Variants in GSK3B observed in about 807,000 individuals in gnomAD.
GSK3B encodes the protein glycogen synthase kinase 3 beta.
In GSK3B, 15 loss-of-function variants were observed where a neutral mutation model predicts 56.4. The ratio of observed to expected loss-of-function variants is 0.27; its 90% confidence interval spans 0.18 to 0.41. The LOEUF (loss-of-function observed/expected upper bound fraction) is 0.41, where lower values mean the gene tolerates loss of function less well. GSK3B is among the 10% of genes least tolerant of loss of function. GSK3B has a pLI of 1.00. For missense variants in GSK3B, 300 were observed against 513.4 expected (o/e 0.58, Z 4.02); for synonymous variants, 181 against 188.9 (o/e 0.96, Z 0.34).
intron 2 of GSK3B, among the ~76,000 whole-genome samples, chr3:119,986,496 A>C (rs937856848): frequency 3.3e-5 from 5 of 151,970 alleles, no homozygotes; most frequent in African/African-American, 7.2e-5. Context: ...AAAAAAAAAA[A>C]CAACCCCCAT....
chr3:119,879,580 A>G (rs910979544), intron 7 of GSK3B, among the ~76,000 whole-genome samples: 2 of 152,116 alleles, frequency 1.3e-5, no homozygotes, highest in Non-Finnish European at 2.9e-5. Context: ...GTGCTATGAA[A>G]TACTAGATAT....
intron 7 of GSK3B, among the ~76,000 whole-genome samples, chr3:119,894,234 G>A (rs992404601): frequency 2.6e-5 from 4 of 151,720 alleles, no homozygotes; most frequent in Non-Finnish European, 2.9e-5. Flanking sequence ...TAAACTTTGC[G>A]TACATGTTTT....
In GSK3B at chr3:120,094,346, C is replaced by T. The variant is rs912430913; in HGVS notation, c.-912G>A. ...GCCCTGTCAGCGGCTGCGGGGCCGG[C>T]TCCTCCTCGCTTCCTTCCTTCCTTT... is the stretch of plus-strand genomic sequence containing the variant. On this transcript the variant is annotated 5_prime_UTR_variant, in exon 1 of 11. Coordinates refer to ENST00000264235, the MANE Select transcript of GSK3B (RefSeq NM_001146156.2). The T allele has an allele frequency of 4.2e-5, 12 of 288,526 alleles. No individual in the cohort carries two copies. The highest frequency in any genetic ancestry group is 7.1e-5 in the Non-Finnish European group (11 of 154,468). 17.9% of individuals were successfully genotyped at this position (288,526 alleles called of 1,614,324 possible). A position where few individuals can be genotyped will look rare whatever the true frequency, so the allele number is the denominator to read the frequency against.
chr3:120,021,408 C>T (rs980324567), intron 1 of GSK3B, among the ~76,000 whole-genome samples: 1 of 151,000 alleles, frequency 6.6e-6, no homozygotes, highest in Non-Finnish European at 1.5e-5. Context: ...CCCAGCTACT[C>T]GGGAGGCTGA....
chr3:120,054,064 A>G (rs971253232), intron 1 of GSK3B, among the ~76,000 whole-genome samples: 5 of 152,254 alleles, frequency 3.3e-5, no homozygotes, highest in African/African-American at 1.2e-4. Flanking sequence ...ACTGATATTC[A>G]TGGTAGCTGA....
intron 4 of GSK3B, among the ~76,000 whole-genome samples, chr3:119,920,748 A>G (rs914858523): frequency 6.6e-6 from 1 of 152,252 alleles, no homozygotes; most frequent in Non-Finnish European, 1.5e-5. Flanking sequence ...TTTCAATGTA[A>G]GAGAAAGGAA....
intron 1 of GSK3B, among the ~76,000 whole-genome samples, chr3:120,074,247 T>C (rs112912146): frequency 0.026 from 3,910 of 151,066 alleles, 172 homozygotes; most frequent in African/African-American, 0.089. Flanking sequence ...CTGCAGTGAA[T>C]GTACATCGCA....
At chr3:119,858,245 TCTC>T (rs1383189999) in intron 9 of GSK3B, among the ~76,000 whole-genome samples, 2 of 152,198 alleles carry the variant, frequency 1.3e-5, no homozygotes, top group Non-Finnish European at 2.9e-5. Flanking sequence ...GCCATCGACT[TCTC>T]CTCTCTAGCT....
chr3:120,086,538 C>T (rs1015189327), intron 1 of GSK3B, among the ~76,000 whole-genome samples: 1 of 152,178 alleles, frequency 6.6e-6, no homozygotes, highest in African/African-American at 2.4e-5. Context: ...TGGCTCATGA[C>T]TGTAATCCCA....
At chr3:119,937,950 C>T (rs2057012142) in intron 3 of GSK3B, among the ~76,000 whole-genome samples, 1 of 150,488 alleles carries the variant, frequency 6.6e-6, no homozygotes. Flanking sequence ...TTACTACTAA[C>T]CTCACAGAGA....
intron 10 of GSK3B, among the ~76,000 whole-genome samples, chr3:119,831,096 T>C (rs1305822123): frequency 6.6e-6 from 1 of 152,160 alleles, no homozygotes; most frequent in Non-Finnish European, 1.5e-5. Context: ...TAGGTACAAC[T>C]GTTACCTCTG....
At chr3:120,044,760 A>C (rs9859778) in intron 1 of GSK3B, among the ~76,000 whole-genome samples, 42,363 of 152,144 alleles carry the variant, frequency 0.28, 7,660 homozygotes, top group African/African-American at 0.52. Flanking sequence ...TCCTACTAGC[A>C]AGAATGGCTT....
At chr3:120,089,018 G>A (rs1442420902) in intron 1 of GSK3B, among the ~76,000 whole-genome samples, 1 of 152,200 alleles carries the variant, frequency 6.6e-6, no homozygotes, top group East Asian at 1.9e-4. Context: ...TAAAATCTCT[G>A]ACTTTCCCAG....
chr3:119,997,112 T>C (rs1284550747), intron 2 of GSK3B, among the ~76,000 whole-genome samples: 1 of 152,196 alleles, frequency 6.6e-6, no homozygotes, highest in Non-Finnish European at 1.5e-5. Context: ...CCAGTAACAT[T>C]TTAAACTCAG....
intron 2 of GSK3B, among the ~76,000 whole-genome samples, chr3:119,961,632 C>CAAAAAAAA (rs1211316414): frequency 3.1e-5 from 3 of 95,868 alleles, no homozygotes; most frequent in African/African-American, 3.2e-5. Context: ...GTCTCACAAA[C>CAAAAAAAA]AAAAAAAAAA....
intron 1 of GSK3B, among the ~76,000 whole-genome samples, chr3:120,071,415 G>T (rs1470601268): frequency 6.6e-6 from 1 of 152,172 alleles, no homozygotes; most frequent in African/African-American, 2.4e-5. Context: ...AGCAGGAGGT[G>T]AGCAGCAGGC....
intron 1 of GSK3B, among the ~76,000 whole-genome samples, chr3:120,038,739 C>A (rs2058041854): frequency 6.6e-6 from 1 of 151,748 alleles, no homozygotes. Flanking sequence ...TATAAAACTT[C>A]TAAAAGATAA....
intron 2 of GSK3B, among the ~76,000 whole-genome samples, chr3:119,981,365 A>G (rs1369312312): frequency 6.6e-6 from 1 of 152,214 alleles, no homozygotes; most frequent in East Asian, 1.9e-4. Context: ...GGTGCAGCCC[A>G]TGGAGGGCAA....
At chr3:119,909,231 G>C (rs773610574) in intron 6 of GSK3B, among the ~76,000 whole-genome samples, 3 of 152,012 alleles carry the variant, frequency 2.0e-5, no homozygotes, top group Non-Finnish European at 4.4e-5. Context: ...GGCTGGTCTC[G>C]AACTCCTGAG....
Sources: gnomAD v4.1 joint callset for allele counts (sites outside exome capture counted in the v4.1 genomes callset) on GRCh38, gnomAD v4.1.1 for gene constraint, MANE v1.5 for transcripts, NCBI Gene and HGNC (gene_info 2026-07-23, HGNC 2026-07-21) for gene names.